Variants in TESK2 observed in about 807,000 individuals in gnomAD.
The protein encoded by TESK2 is dual specificity testis-specific protein kinase 2.
A neutral mutation model predicts 57.1 loss-of-function variants in TESK2; 39 were observed. The ratio of observed to expected loss-of-function variants is 0.68; its 90% CI spans 0.53 to 0.89. The LOEUF (loss-of-function observed/expected upper bound fraction) is 0.89, where lower values mean the gene tolerates loss of function less well. TESK2 is among the 40% of genes least tolerant of loss of function. TESK2 has a pLI of 0.00. For synonymous variants in TESK2, 249 were observed against 267.9 expected (o/e 0.93, Z 0.69); for missense variants, 646 against 732.1 (o/e 0.88, Z 1.36).
At chr1:45,477,460 T>A (rs903378672) in intron 1 of TESK2, among the ~76,000 whole-genome samples, 1 of 151,394 alleles carries the variant, frequency 6.6e-6, no homozygotes, top group African/African-American at 2.4e-5. Context: ...CCGTCTCTAC[T>A]AAAATACAAA....
intron 1 of TESK2, among the ~76,000 whole-genome samples, chr1:45,485,969 A>G (rs1227204068): frequency 1.3e-5 from 2 of 152,194 alleles, no homozygotes; most frequent in African/African-American, 4.8e-5. Flanking sequence ...GTTAATAACA[A>G]CAGAGTTGAA....
intron 1 of TESK2, among the ~76,000 whole-genome samples, chr1:45,469,565 T>C (rs1228038564): frequency 6.6e-6 from 1 of 152,198 alleles, no homozygotes; most frequent in African/African-American, 2.4e-5. Context: ...CAGAAATACA[T>C]CAAATTTCTG....
intron 3 of TESK2, among the ~76,000 whole-genome samples, chr1:45,386,447 GGGAAA>G (rs777235531): frequency 2.6e-5 from 4 of 151,134 alleles, no homozygotes; most frequent in Non-Finnish European, 5.9e-5. Flanking sequence ...GAAAGGGAAA[GGGAAA>G]GGAAAGGAAG....
intron 1 of TESK2, among the ~76,000 whole-genome samples, chr1:45,464,487 T>C (rs774899276): frequency 1.4e-4 from 21 of 152,266 alleles, no homozygotes; most frequent in Middle Eastern, 3.4e-3. Flanking sequence ...TGGTTAAGAT[T>C]GTTCCTAGGT....
intron 4 of TESK2, among the ~76,000 whole-genome samples, chr1:45,366,668 G>A (rs961783645): frequency 2.6e-5 from 4 of 152,102 alleles, no homozygotes. Context: ...TGAAATTGTT[G>A]AACAAACAAA....
chr1:45,377,176 T>G (rs923103066), intron 4 of TESK2, among the ~76,000 whole-genome samples: 2 of 151,888 alleles, frequency 1.3e-5, no homozygotes, highest in African/African-American at 4.8e-5. Context: ...GCTATGATGG[T>G]GCCACTGTAT....
intron 4 of TESK2, among the ~76,000 whole-genome samples, chr1:45,367,655 C>CAT (rs1284278605): frequency 8.2e-5 from 10 of 122,188 alleles, no homozygotes; most frequent in African/African-American, 3.5e-4. Context: ...GGTCACAAAG[C>CAT]ATTTTTTTTT....
intron 4 of TESK2, among the ~76,000 whole-genome samples, chr1:45,369,621 G>C (rs2149269622): frequency 6.6e-6 from 1 of 152,298 alleles, no homozygotes; most frequent in Middle Eastern, 3.4e-3. Flanking sequence ...AGTGGAGGCG[G>C]GCAGAGAGGA....
intron 2 of TESK2, among the ~76,000 whole-genome samples, chr1:45,456,874 C>T (rs1367992322): frequency 6.6e-6 from 1 of 151,956 alleles, no homozygotes; most frequent in Non-Finnish European, 1.5e-5. Context: ...AATTGGGAAG[C>T]AATTCATTAA....
intron 4 of TESK2, among the ~76,000 whole-genome samples, chr1:45,361,915 A>G (rs1206019845): frequency 6.6e-6 from 1 of 152,142 alleles, no homozygotes; most frequent in Non-Finnish European, 1.5e-5. Flanking sequence ...ATGTGGGAGG[A>G]TCGCTTGAGG....
At chr1:45,440,709 C>T (rs969182771) in intron 2 of TESK2, among the ~76,000 whole-genome samples, 5 of 146,866 alleles carry the variant, frequency 3.4e-5, no homozygotes, top group East Asian at 1.9e-4. Context: ...GAGCAAGACT[C>T]GGTCTCAAAA....
At chr1:45,350,203 T>C (rs910062733) in intron 5 of TESK2, among the ~76,000 whole-genome samples, 1 of 152,122 alleles carries the variant, frequency 6.6e-6, no homozygotes, top group East Asian at 1.9e-4. Flanking sequence ...CCACTCTCCA[T>C]AGTGAGGACT....
intron 3 of TESK2, among the ~76,000 whole-genome samples, chr1:45,393,594 A>G (rs1649233876): frequency 6.6e-6 from 1 of 152,130 alleles, no homozygotes; most frequent in African/African-American, 2.4e-5. Flanking sequence ...TACAAAAATT[A>G]GCCAGGCGTG....
intron 4 of TESK2, among the ~76,000 whole-genome samples, chr1:45,377,854 T>C (rs1030858228): frequency 1.3e-5 from 2 of 151,364 alleles, no homozygotes; most frequent in South Asian, 2.1e-4. Flanking sequence ...GGTGAAAACA[T>C]GTCTCTATTA....
intron 1 of TESK2, among the ~76,000 whole-genome samples, chr1:45,473,066 A>T (rs983410079): frequency 1.3e-4 from 19 of 151,138 alleles, no homozygotes; most frequent in African/African-American, 4.6e-4. Context: ...AGGCAGGAGA[A>T]TGGTGTGAAC....
chr1:45,376,090 C>CT (rs1169020706), intron 4 of TESK2, among the ~76,000 whole-genome samples: 1 of 151,868 alleles, frequency 6.6e-6, no homozygotes, highest in Non-Finnish European at 1.5e-5. Context: ...ATAAAAATTA[C>CT]TTTTTCCAAA....
At chr1:45,452,348 T>C (rs1282018451) in intron 2 of TESK2, among the ~76,000 whole-genome samples, 1 of 152,024 alleles carries the variant, frequency 6.6e-6, no homozygotes, top group Non-Finnish European at 1.5e-5. Flanking sequence ...AATAAGAAAG[T>C]ATCTAGAAGC....
At chr1:45,426,609 T>A (rs1356179179) in intron 2 of TESK2, among the ~76,000 whole-genome samples, 1 of 152,132 alleles carries the variant, frequency 6.6e-6, no homozygotes, top group Admixed American at 6.6e-5. Flanking sequence ...TGGGATCACA[T>A]CCGGTTAAAA....
At chr1:45,489,104 C>A (rs573845762) in intron 1 of TESK2, among the ~76,000 whole-genome samples, 18 of 150,794 alleles carry the variant, frequency 1.2e-4, no homozygotes, top group African/African-American at 4.4e-4. Context: ...GCACTCCAGC[C>A]TGGGCGACAG....
Sources: gnomAD v4.1 joint callset for allele counts (sites outside exome capture counted in the v4.1 genomes callset) on GRCh38, gnomAD v4.1.1 for gene constraint, MANE v1.5 for transcripts, NCBI Gene and HGNC (gene_info 2026-07-23, HGNC 2026-07-21) for gene names.